The following NEGR1 variants were observed in gnomAD, a reference collection of about 807,000 sequenced individuals.
NEGR1 encodes the protein neuronal growth regulator 1.
NEGR1 carries 10 observed loss-of-function variants against 40.9 expected under a neutral mutation model. That is an observed-to-expected ratio of 0.24 (90% CI 0.15 to 0.42). The LOEUF is 0.42. Among genes scored for constraint, NEGR1 ranks in the 10% least tolerant of loss-of-function variants. The probability of loss-of-function intolerance (pLI) is 1.00; values close to 1 mark genes in which losing one functional copy is unlikely to be tolerated. For synonymous variants in NEGR1, 185 were observed against 166.8 expected (o/e 1.11, Z -0.84); for missense variants, 352 against 438.9 (o/e 0.80, Z 1.77).
intron 1 of NEGR1, among the ~76,000 whole-genome samples, chr1:72,276,424 C>T (rs1198500647): frequency 6.6e-6 from 1 of 152,062 alleles, no homozygotes; most frequent in Non-Finnish European, 1.5e-5. Flanking sequence ...AGGGTTTAAT[C>T]ATAGTTATTT....
chr1:71,640,654 A>G (rs1651319120), intron 4 of NEGR1, among the ~76,000 whole-genome samples: 1 of 152,036 alleles, frequency 6.6e-6, no homozygotes, highest in South Asian at 2.1e-4. Context: ...AATTATCTCA[A>G]CAGCTGAATA....
intron 1 of NEGR1, among the ~76,000 whole-genome samples, chr1:72,185,157 C>T (rs1652565641): frequency 6.6e-6 from 1 of 151,872 alleles, no homozygotes; most frequent in African/African-American, 2.4e-5. Flanking sequence ...CCTCACTCTT[C>T]CTTCTTCTTC....
intron 6 of NEGR1, among the ~76,000 whole-genome samples, chr1:71,444,022 T>C (rs1024196658): frequency 2.0e-5 from 3 of 152,206 alleles, no homozygotes; most frequent in African/African-American, 7.2e-5. Context: ...GTGTGCATCA[T>C]TTATGCATTT....
At chr1:71,779,811 T>C (rs1570336500) in intron 2 of NEGR1, among the ~76,000 whole-genome samples, 1 of 151,968 alleles carries the variant, frequency 6.6e-6, no homozygotes, top group East Asian at 1.9e-4. Flanking sequence ...TCAGGTGATC[T>C]ACCTGCCTCT....
chr1:72,117,535 C>T (rs1000075684), intron 1 of NEGR1, among the ~76,000 whole-genome samples: 10 of 151,686 alleles, frequency 6.6e-5, no homozygotes, highest in African/African-American at 2.4e-4. Flanking sequence ...ACTATGTTCT[C>T]TGGGGAGGGG....
At chr1:71,566,272 T>G (rs776397109) in intron 6 of NEGR1, among the ~76,000 whole-genome samples, 13 of 152,154 alleles carry the variant, frequency 8.5e-5, no homozygotes, top group Non-Finnish European at 1.9e-4. Flanking sequence ...TTTAAAAGTA[T>G]CCTAATTTTT....
At chr1:72,014,240 A>G (rs1048327206) in intron 1 of NEGR1, among the ~76,000 whole-genome samples, 1 of 151,982 alleles carries the variant, frequency 6.6e-6, no homozygotes, top group Non-Finnish European at 1.5e-5. Flanking sequence ...CAGTACAAAC[A>G]TTATCTTGAT....
At position 71,487,061 on chromosome 1, in the gene NEGR1, C is replaced by T. The variant is rs548959627; in HGVS notation, c.941-79491G>A. 4.0e-5 allele frequency: 6 copies of T among 151,474 alleles called. 1 individual carries two copies. In the Admixed American group the frequency reaches 4.0e-4, roughly 10 times the overall value. The allele number at this position is 151,474 out of a possible 1,614,324, so 9.4% of individuals were successfully genotyped here. A position where few individuals can be genotyped will look rare whatever the true frequency, so the allele number is the denominator to read the frequency against. On this transcript the variant is annotated intron_variant, in intron 6 of 6. Transcript: ENST00000357731. ...CATAAGAAACCGAGAGAAAGAGACACAATACATAGAAGATTTTTTGCACCA... is the reference window on the plus strand; with the variant it reads ...CATAAGAAACCGAGAGAAAGAGACATAATACATAGAAGATTTTTTGCACCA...
intron 3 of NEGR1, among the ~76,000 whole-genome samples, chr1:71,714,269 C>A (rs1001412553): frequency 6.6e-6 from 1 of 152,148 alleles, no homozygotes; most frequent in Non-Finnish European, 1.5e-5. Context: ...ATTCAATTAC[C>A]TCCTCCTGGT....
At chr1:71,879,482 A>C (rs1660524597) in intron 2 of NEGR1, among the ~76,000 whole-genome samples, 1 of 152,180 alleles carries the variant, frequency 6.6e-6, no homozygotes, top group South Asian at 2.1e-4. Flanking sequence ...AATCAACCAC[A>C]TATTTTTGGA....
intron 2 of NEGR1, among the ~76,000 whole-genome samples, chr1:71,899,513 C>T (rs1456661592): frequency 6.6e-6 from 1 of 152,042 alleles, no homozygotes; most frequent in East Asian, 1.9e-4. Flanking sequence ...CTGTTAAAAG[C>T]ACAAATACAC....
chr1:71,612,409 CT>C (rs375255146), intron 4 of NEGR1, among the ~76,000 whole-genome samples: 39 of 149,280 alleles, frequency 2.6e-4, no homozygotes, highest in East Asian at 5.9e-4. Context: ...TGTAGCATAA[CT>C]TTTTTTTTTA....
At position 71,500,725 on chromosome 1, in the gene NEGR1, T is replaced by G. The variant is rs146227479; in HGVS notation, c.940+92092A>C. ...GAGGACCCTTGGCAATAACAAAATC[T>G]GTGAATGCTCAAGTCCCTTATATAA... On this transcript the variant is annotated intron_variant, in intron 6 of 6. Coordinates refer to ENST00000357731, the MANE Select transcript of NEGR1 (RefSeq NM_173808.3). Among the ~76,000 whole-genome samples, 27 of 152,192 alleles carry G rather than the reference T, an allele frequency of 1.8e-4. No homozygotes were observed. The East Asian group carries it at 4.8e-3, about 27-fold the overall frequency.
At chr1:72,124,024 A>C (rs1368187576) in intron 1 of NEGR1, among the ~76,000 whole-genome samples, 1 of 152,064 alleles carries the variant, frequency 6.6e-6, no homozygotes, top group Non-Finnish European at 1.5e-5. Flanking sequence ...TATCATTTAT[A>C]TAGTTTGTAT....
At chr1:72,149,953 T>C (rs1434760126) in intron 1 of NEGR1, among the ~76,000 whole-genome samples, 1 of 150,806 alleles carries the variant, frequency 6.6e-6, no homozygotes, top group African/African-American at 2.4e-5. Context: ...ACAAGTATCC[T>C]TATATAGTAA....
intron 6 of NEGR1, among the ~76,000 whole-genome samples, chr1:71,513,718 C>T (rs1221407144): frequency 2.0e-5 from 3 of 152,222 alleles, no homozygotes; most frequent in African/African-American, 2.4e-5. Flanking sequence ...CCAAGATGGC[C>T]GAATAGGAAC....
intron 4 of NEGR1, among the ~76,000 whole-genome samples, chr1:71,693,456 T>C (rs924820437): frequency 1.3e-5 from 2 of 151,672 alleles, no homozygotes; most frequent in Non-Finnish European, 1.5e-5. Flanking sequence ...AGTACATCAG[T>C]GTACAAAGGA....
At chr1:71,506,905 C>A (rs1486549123) in intron 6 of NEGR1, among the ~76,000 whole-genome samples, 1 of 152,146 alleles carries the variant, frequency 6.6e-6, no homozygotes, top group Non-Finnish European at 1.5e-5. Flanking sequence ...GCTAGTCAGC[C>A]CAAACCTGTA....
intron 1 of NEGR1, among the ~76,000 whole-genome samples, chr1:72,138,349 G>A (rs896812367): frequency 6.6e-6 from 1 of 151,842 alleles, no homozygotes; most frequent in Admixed American, 6.6e-5. Context: ...CTACAAAGCA[G>A]GGTGATAAAC....
Sources: allele counts gnomAD v4.1 joint callset (sites outside exome capture counted in the v4.1 genomes callset), GRCh38; gene constraint gnomAD v4.1.1; transcripts MANE v1.5; gene names NCBI Gene and HGNC (gene_info 2026-07-23, HGNC 2026-07-21).